Variants in QPCT observed in about 807,000 individuals in gnomAD.
QPCT encodes glutaminyl-peptide cyclotransferase.
A neutral mutation model predicts 43.4 loss-of-function variants in QPCT; 44 were observed. The observed-to-expected ratio is 1.01, with a 90% confidence interval of 0.80 to 1.30. The LOEUF is 1.30. QPCT is among the 50% of genes most tolerant of loss of function. QPCT has a pLI of 0.00. For missense variants in QPCT, 526 were observed against 436.5 expected (o/e 1.21, Z -1.83); for synonymous variants, 168 against 168.4 (o/e 1.00, Z 0.02).
Position 37,359,648 on chromosome 2 carries a change from G to C in QPCT, c.336G>C (p.Gln112His). Residue 112 changes from glutamine (Q) to histidine (H), a missense_variant, in exon 3 of 7, where the codon CAG becomes CAC. Transcript: ENST00000338415. Reference sequence around the variant, plus strand: ...TGGAAATAGACACCTTCTTGAGTCAGACACCCTATGGGTACCGGTCTTTCT... The same window carrying C: ...TGGAAATAGACACCTTCTTGAGTCACACACCCTATGGGTACCGGTCTTTCT... ...WVLEIDTFLS[Q>H]TPYGYRSFSN... 2 of 1,614,108 alleles carry C rather than the reference G, an allele frequency of 1.2e-6. No homozygotes were observed. The highest frequency in any genetic ancestry group is 1.7e-6 in the Non-Finnish European group (2 of 1,179,996).
At chr2:37,367,713 A>G (rs951727048) in intron 4 of QPCT, among the ~76,000 whole-genome samples, 3 of 152,024 alleles carry the variant, frequency 2.0e-5, no homozygotes, top group Non-Finnish European at 4.4e-5. Flanking sequence ...CTCTACAACA[A>G]ATAAAATAAT....
chr2:37,367,389 C>A lies in QPCT; in HGVS notation c.704C>A (p.Thr235Asn). The change falls in exon 4 of 7, where the codon ACC (threonine) becomes AAC (asparagine). Residue 235 changes from threonine (T) to asparagine (N), a missense_variant. Physicochemically the swap from Thr to Asn is moderately conservative, Grantham distance 65. Coordinates refer to ENST00000338415, the MANE Select transcript of QPCT (RefSeq NM_012413.4). ...STPHPPGARG[T>N]SQLHGMDLLV... is the part of the protein sequence containing the mutation. ...CCGCACCCACCTGGAGCGAGAGGCA[C>A]CAGCCAACTGCATGGCATGGTTAGT... The A allele has an allele frequency of 6.2e-7, 1 of 1,613,672 alleles. No homozygotes were observed. The highest frequency in any genetic ancestry group is 1.1e-5 in the South Asian group (1 of 91,032).
intron 2 of QPCT, among the ~76,000 whole-genome samples, chr2:37,354,849 C>G (rs1470786700): frequency 6.6e-6 from 1 of 152,090 alleles, no homozygotes; most frequent in East Asian, 1.9e-4. Flanking sequence ...TACCATTTGC[C>G]CAGAGCGCTG....
At chr2:37,359,935 A>G (rs990923264) in intron 3 of QPCT, 77 bp downstream of exon 3, 16 of 1,399,438 alleles carry the variant, frequency 1.1e-5, no homozygotes, top group Non-Finnish European at 1.6e-5. Context: ...GAATCCTTGG[A>G]GGAATGAGAA....
At chr2:37,354,537 C>T (rs1409154193) in intron 2 of QPCT, among the ~76,000 whole-genome samples, 1 of 152,084 alleles carries the variant, frequency 6.6e-6, no homozygotes, top group Non-Finnish European at 1.5e-5. Context: ...ATACTTGTAC[C>T]ATTGTTGAGG....
chr2:37,368,467 C>A (rs1673008075), intron 4 of QPCT: 1 of 394,096 alleles, frequency 2.5e-6, no homozygotes. Context: ...CTGACGCTCA[C>A]CCCATCTGTG....
Position 37,347,183 on chromosome 2 carries a change from T to TATATATAAC in QPCT, c.120+2339_120+2340insACATATATA, listed in dbSNP as rs1558599430. ...ATATATAACATATATATATATAACATATATATATAACATATATATATAACA... is the reference window on the plus strand; with the variant it reads ...ATATATAACATATATATATATAACATATATATAACATATATATAACATATATATATAACA... On this transcript the variant is annotated intron_variant, in intron 1 of 6. Transcript: ENST00000338415. 9.5e-4 allele frequency among the ~76,000 whole-genome samples: 54 copies of TATATATAAC among 56,872 alleles called. 3 individuals carry two copies. Among genetic ancestry groups the TATATATAAC allele is most frequent in the Middle Eastern group, 8.3e-3 (1 of 120 alleles). The allele number at this position is 56,872 out of a possible 152,430, so 37.3% of individuals were successfully genotyped here.
At chr2:37,353,224 G>C (rs1238505174) in intron 2 of QPCT, among the ~76,000 whole-genome samples, 1 of 152,174 alleles carries the variant, frequency 6.6e-6, no homozygotes, top group Non-Finnish European at 1.5e-5. Context: ...TCCCAATTAA[G>C]TTTTCTTGAA....
rs1424659307 is a variant in QPCT, at chr2:37,372,472, G to C, written c.940G>C (p.Gly314Arg). Residue 314 changes from glycine to arginine, a missense_variant and splice_region_variant, in exon 6 of 7, where the codon GGT (glycine) becomes CGT (arginine). Transcript: ENST00000338415. Reference sequence around the variant, plus strand: ...TGACCATATTCCATTTTTAAGAAGAGGTAATGTGTGTGTGTGTGTGTGTTT... The same window carrying C: ...TGACCATATTCCATTTTTAAGAAGACGTAATGTGTGTGTGTGTGTGTGTTT... ...QDDHIPFLRR[G>R]VPVLHLIPSP... 39 of 1,605,596 alleles carry C rather than the reference G, an allele frequency of 2.4e-5. No homozygotes were observed. Among genetic ancestry groups the C allele is most frequent in the Non-Finnish European group, 3.0e-5 (35 of 1,172,462 alleles).
intron 1 of QPCT, among the ~76,000 whole-genome samples, chr2:37,351,075 T>A (rs1201685322): frequency 2.6e-5 from 4 of 152,186 alleles, no homozygotes; most frequent in Non-Finnish European, 5.9e-5. Flanking sequence ...GGAGTATAGA[T>A]GAGTGTAAAT....
At chr2:37,356,244 C>T (rs1672742679) in intron 2 of QPCT, among the ~76,000 whole-genome samples, 2 of 152,172 alleles carry the variant, frequency 1.3e-5, no homozygotes, top group South Asian at 2.1e-4. Context: ...GCCTCTCTCT[C>T]GTGCTCATGT....
chr2:37,359,781 G>A lies in QPCT; in HGVS notation c.469G>A (p.Ala157Thr). 6.2e-7 allele frequency: 1 copy of A among 1,614,196 alleles called. No individual in the cohort carries two copies. The highest frequency in any genetic ancestry group is 8.5e-7 in the Non-Finnish European group (1 of 1,180,020). Residue 157 changes from alanine (A) to threonine (T), a missense_variant, in exon 3 of 7, where the codon GCC (alanine) becomes ACC (threonine). By Grantham distance (58) the Ala-to-Thr change is moderately conservative. Transcript: ENST00000338415. ...SHWNNRVFVG[A>T]TDSAVPCAMM... ...CTGGAACAACAGAGTGTTTGTAGGA[G>A]CCACTGATTCAGCCGTGCCATGTGC...
Position 37,367,365 on chromosome 2 carries a change from C to T in QPCT, c.680C>T (p.Pro227Leu), listed in dbSNP as rs149540362. 3.2e-5 allele frequency: 52 copies of T among 1,613,822 alleles called. No individual in the cohort carries two copies. Among genetic ancestry groups the T allele is most frequent in the Non-Finnish European group, 3.8e-5 (45 of 1,179,914 alleles). ...TTAGCTGCAAAGATGGCATCGACCC[C>T]GCACCCACCTGGAGCGAGAGGCACC... ...RHLAAKMAST[P>L]HPPGARGTSQ... The change falls in exon 4 of 7, where the codon CCG becomes CTG. Residue 227 changes from proline (P) to leucine (L), a missense_variant. Physicochemically the swap from Pro to Leu is moderately conservative, Grantham distance 98 (BLOSUM62 -3). Transcript: ENST00000338415.
intron 1 of QPCT, among the ~76,000 whole-genome samples, chr2:37,352,029 C>CAA (rs756518422): frequency 0.077 from 7,985 of 104,026 alleles, 696 homozygotes; most frequent in East Asian, 0.41. Context: ...ACCCCAACTT[C>CAA]AAAAAAAAAA....
At chr2:37,352,414 C>T (rs181141630) in intron 1 of QPCT, among the ~76,000 whole-genome samples, 19 of 152,334 alleles carry the variant, frequency 1.2e-4, no homozygotes, top group Admixed American at 3.9e-4. Context: ...ACCTTGACCT[C>T]CTGGGCTCAA....
chr2:37,358,024 T>C (rs1344599132), intron 2 of QPCT, among the ~76,000 whole-genome samples: 2 of 151,900 alleles, frequency 1.3e-5, no homozygotes, highest in East Asian at 3.8e-4. Context: ...GAAGGACAAA[T>C]TGTCAGTTAT....
intron 3 of QPCT, among the ~76,000 whole-genome samples, chr2:37,366,000 T>C (rs1376233479): frequency 2.0e-5 from 3 of 152,202 alleles, no homozygotes; most frequent in African/African-American, 7.2e-5. Context: ...GTAGAGTATG[T>C]TTTTGCCATG....
At chr2:37,349,495 C>T (rs11124581) in intron 1 of QPCT, among the ~76,000 whole-genome samples, 91,965 of 152,044 alleles carry the variant, frequency 0.6, 28,423 homozygotes, top group East Asian at 0.91. Flanking sequence ...AGAAACCAGC[C>T]ATTTAAACAC....
At chr2:37,357,926 T>C (rs1368440042) in intron 2 of QPCT, among the ~76,000 whole-genome samples, 1 of 152,118 alleles carries the variant, frequency 6.6e-6, no homozygotes, top group Non-Finnish European at 1.5e-5. Flanking sequence ...CAGTTATTCA[T>C]TTTTCATTTT....
Sources: allele counts gnomAD v4.1 joint callset (sites outside exome capture counted in the v4.1 genomes callset), GRCh38; gene constraint gnomAD v4.1.1; transcripts MANE v1.5; gene names NCBI Gene and HGNC (gene_info 2026-07-23, HGNC 2026-07-21).